PIK3R3: variants seen among roughly 807,000 people sequenced by gnomAD.
PIK3R3 encodes phosphoinositide-3-kinase regulatory subunit 3, also known as phosphatidylinositol 3-kinase regulatory subunit gamma.
Under a neutral mutation model 62.9 loss-of-function variants are expected in PIK3R3, and 64 were observed. That is an observed-to-expected ratio of 1.02 (90% CI 0.83 to 1.25). The LOEUF is 1.25. Ranked by LOEUF, PIK3R3 falls within the 50% of genes most tolerant of loss-of-function variation. PIK3R3 has a pLI of 0.00. For missense variants in PIK3R3, 614 were observed against 561.6 expected (o/e 1.09, Z -0.94); for synonymous variants, 165 against 189.0 (o/e 0.87, Z 1.04).
chr1:46,143,926 TC>T, the PIK3R3 span, among the ~76,000 whole-genome samples: 23 of 151,980 alleles, frequency 1.5e-4, no homozygotes, highest in Non-Finnish European at 3.1e-4. Context: ...CCTCCCTTCA[TC>T]CCCCTCTCCC....
At chr1:46,075,459 A>T (rs1258796492) in intron 3 of PIK3R3, among the ~76,000 whole-genome samples, 1 of 152,130 alleles carries the variant, frequency 6.6e-6, no homozygotes, top group Admixed American at 6.5e-5. Context: ...TACAAAAAAT[A>T]AAAAACACAA....
chr1:46,071,978 C>T (rs1220464963), intron 3 of PIK3R3, among the ~76,000 whole-genome samples: 1 of 151,894 alleles, frequency 6.6e-6, no homozygotes, highest in Non-Finnish European at 1.5e-5. Flanking sequence ...GCTATAAAAT[C>T]TCACCTCCGT....
chr1:46,073,293 C>A (rs1649717555), intron 3 of PIK3R3, among the ~76,000 whole-genome samples: 1 of 152,128 alleles, frequency 6.6e-6, no homozygotes, highest in South Asian at 2.1e-4. Context: ...TCCAGTTATT[C>A]CCATTGCATT....
intron 1 of PIK3R3, among the ~76,000 whole-genome samples, chr1:46,115,673 T>C (rs1442536342): frequency 6.6e-6 from 1 of 152,248 alleles, no homozygotes; most frequent in Non-Finnish European, 1.5e-5. Context: ...AAGTCCCGAA[T>C]TAATGTCCTG....
intron 1 of PIK3R3, among the ~76,000 whole-genome samples, chr1:46,093,210 G>T (rs1032548705): frequency 6.6e-6 from 1 of 152,182 alleles, no homozygotes; most frequent in African/African-American, 2.4e-5. Flanking sequence ...GCTGGTACTG[G>T]TAGTTTAGTA....
upstream of PIK3R3, among the ~76,000 whole-genome samples, chr1:46,135,010 G>A (rs1348432150): frequency 6.6e-6 from 1 of 152,200 alleles, no homozygotes. Flanking sequence ...GAGAATAAGT[G>A]ATGCAAGAGG....
At chr1:46,071,712 A>AT (rs1553148026) in intron 3 of PIK3R3, among the ~76,000 whole-genome samples, 2,015 of 24,524 alleles carry the variant, frequency 0.082, 240 homozygotes, top group Middle Eastern at 0.17. Context: ...AAAAAAAAAA[A>AT]ATATATATAT....
At chr1:46,153,538 A>G in the PIK3R3 span, among the ~76,000 whole-genome samples, 4 of 152,222 alleles carry the variant, frequency 2.6e-5, no homozygotes, top group Non-Finnish European at 5.9e-5. Context: ...TGGGGCTGAA[A>G]TCTGCCTCCT....
chr1:46,130,437 C>T (rs924783893), intron 1 of PIK3R3, among the ~76,000 whole-genome samples: 3 of 151,534 alleles, frequency 2.0e-5, no homozygotes, highest in African/African-American at 7.3e-5. Flanking sequence ...GGATTGCAGT[C>T]ACAATTATAA....
At chr1:46,046,506 A>G (rs1231867899) in intron 8 of PIK3R3, 45 bp downstream of exon 8, 1 of 1,262,422 alleles carries the variant, frequency 7.9e-7, no homozygotes, top group Non-Finnish European at 1.2e-6. Context: ...CATGTCTTAT[A>G]TTGATAACAA....
the PIK3R3 span, among the ~76,000 whole-genome samples, chr1:46,163,618 C>A: frequency 6.6e-6 from 1 of 152,234 alleles, no homozygotes; most frequent in Non-Finnish European, 1.5e-5. Flanking sequence ...CTCCAGGAAG[C>A]TTTCCCTGTC....
intron 1 of PIK3R3, among the ~76,000 whole-genome samples, chr1:46,100,406 T>C (rs1442072935): frequency 6.6e-6 from 1 of 152,172 alleles, no homozygotes; most frequent in Non-Finnish European, 1.5e-5. Flanking sequence ...ATCTCCTTAC[T>C]CATCTTCAAT....
At chr1:46,047,395 A>G (rs917533784) in intron 7 of PIK3R3, among the ~76,000 whole-genome samples, 2 of 150,476 alleles carry the variant, frequency 1.3e-5, no homozygotes, top group Non-Finnish European at 3.0e-5. Flanking sequence ...CTGAGATTGT[A>G]CCACTGCCCT....
chr1:46,093,781 G>A lies in PIK3R3; in HGVS notation c.107-13031C>T, dbSNP rs541315691. On this transcript the variant is annotated intron_variant, in intron 1 of 9. Transcript: ENST00000262741. ...GAGGCAGGAGAATCGCTTGAACCCA[G>A]GAGGCAGAGTTTGCAGTGAGCCAAG... 5.3e-5 allele frequency among the ~76,000 whole-genome samples: 8 copies of A among 151,622 alleles called. No homozygotes were observed. The Middle Eastern group carries it at 0.01, about 193-fold the overall frequency.
the PIK3R3 span, among the ~76,000 whole-genome samples, chr1:46,141,990 A>C: frequency 6.6e-6 from 1 of 152,132 alleles, no homozygotes; most frequent in Admixed American, 6.5e-5. Flanking sequence ...TACTCATCTC[A>C]AGTGACTACC....
At chr1:46,050,527 T>C (rs1647266152) in intron 7 of PIK3R3, among the ~76,000 whole-genome samples, 1 of 152,136 alleles carries the variant, frequency 6.6e-6, no homozygotes, top group African/African-American at 2.4e-5. Context: ...ATTGCACCAT[T>C]GCACTCCAGC....
At chr1:46,149,256 TTACAA>T in the PIK3R3 span, among the ~76,000 whole-genome samples, 1 of 151,700 alleles carries the variant, frequency 6.6e-6, no homozygotes, top group South Asian at 2.1e-4. Context: ...AACCCCATCT[TTACAA>T]AAATACAAAA....
upstream of PIK3R3, among the ~76,000 whole-genome samples, chr1:46,136,906 G>C (rs1037546314): frequency 6.6e-6 from 1 of 152,190 alleles, no homozygotes; most frequent in African/African-American, 2.4e-5. Flanking sequence ...AGGGGAGAGA[G>C]CACAAATTAG....
chr1:46,044,004 T>A lies in PIK3R3; in HGVS notation c.1188-133A>T, dbSNP rs918777737. 3 of 739,822 alleles carry A rather than the reference T, an allele frequency of 4.1e-6. No individual in the cohort carries two copies. The highest frequency in any genetic ancestry group is 6.6e-6 in the Non-Finnish European group (3 of 452,074). The allele number at this position is 739,822 out of a possible 1,614,324, so 45.8% of individuals were successfully genotyped here. A position where few individuals can be genotyped will look rare whatever the true frequency, so the allele number is the denominator to read the frequency against. On this transcript the variant is annotated intron_variant, in intron 9 of 9. Transcript: ENST00000262741. This position sits in a 1 kb window ranked among gnomAD's most constrained non-coding sequence, Gnocchi z 4.2. ...GTTAACCAGGCAAAGCTTGTGAAAT[T>A]GCGTTCCCATTCCCTACAGACTTGG...
Sources: allele counts gnomAD v4.1 joint callset (sites outside exome capture counted in the v4.1 genomes callset), GRCh38; gene constraint gnomAD v4.1.1; non-coding constraint Gnocchi (gnomAD v3.1); transcripts MANE v1.5; gene names NCBI Gene and HGNC (gene_info 2026-07-23, HGNC 2026-07-21).